HCN1: variants seen among roughly 807,000 people sequenced by gnomAD.
HCN1 encodes the protein potassium/sodium hyperpolarization-activated cyclic nucleotide-gated channel 1.
Under a neutral mutation model 78.9 loss-of-function variants are expected in HCN1, and 13 were observed. That is an observed-to-expected ratio of 0.16 (90% CI 0.11 to 0.26). HCN1 has a LOEUF of 0.26. Among genes scored for constraint, HCN1 ranks in the 10% least tolerant of loss-of-function variants. HCN1 has a pLI of 1.00. For missense variants in HCN1, 810 were observed against 1,154.3 expected (o/e 0.70, Z 4.32); for synonymous variants, 552 against 455.5 (o/e 1.21, Z -2.70).
intron 2 of HCN1, among the ~76,000 whole-genome samples, chr5:45,539,039 G>T (rs1463616127): frequency 2.0e-5 from 3 of 152,108 alleles, no homozygotes; most frequent in Admixed American, 6.6e-5. Flanking sequence ...AAAATCAACT[G>T]CTTAAGATTT....
chr5:45,523,562 T>C (rs1742662760), intron 2 of HCN1, among the ~76,000 whole-genome samples: 1 of 152,222 alleles, frequency 6.6e-6, no homozygotes, highest in African/African-American at 2.4e-5. Flanking sequence ...CTAACTGGTG[T>C]GAGATGGTAT....
chr5:45,346,457 G>T (rs975864474), intron 5 of HCN1, among the ~76,000 whole-genome samples: 2 of 152,148 alleles, frequency 1.3e-5, no homozygotes, highest in African/African-American at 4.8e-5. Context: ...GGTGATTTCT[G>T]CATTTCCATC....
At chr5:45,375,751 AT>A (rs888795720) in intron 4 of HCN1, among the ~76,000 whole-genome samples, 1 of 113,370 alleles carries the variant, frequency 8.8e-6, no homozygotes, top group Non-Finnish European at 1.6e-5. Flanking sequence ...CTTATATATA[AT>A]ATCATATTTT....
chr5:45,306,548 A>G lies in HCN1; in HGVS notation c.1378-2709T>C, dbSNP rs559064605. Among the ~76,000 whole-genome samples, 320 of 152,252 alleles carry G rather than the reference A, an allele frequency of 2.1e-3. 2 individuals carry two copies. Among genetic ancestry groups the G allele is most frequent in the Middle Eastern group, 6.8e-3 (2 of 294 alleles). On this transcript the variant is annotated intron_variant, in intron 5 of 7. Coordinates refer to ENST00000303230, the MANE Select transcript of HCN1 (RefSeq NM_021072.4). ...AAATTCTAACAGATATGATAGAAAAAATGGTAATGAGACAGAATCTTCTTG... is the reference window on the plus strand; with the variant it reads ...AAATTCTAACAGATATGATAGAAAAGATGGTAATGAGACAGAATCTTCTTG...
At chr5:45,284,913 T>G (rs1745237108) in intron 6 of HCN1, among the ~76,000 whole-genome samples, 1 of 152,084 alleles carries the variant, frequency 6.6e-6, no homozygotes, top group South Asian at 2.1e-4. Flanking sequence ...ATGGGTCTAT[T>G]TAAAGTGGAA....
intron 2 of HCN1, among the ~76,000 whole-genome samples, chr5:45,474,705 T>G (rs1320784442): frequency 6.6e-6 from 1 of 151,938 alleles, no homozygotes; most frequent in Non-Finnish European, 1.5e-5. Context: ...ATTTATTTTC[T>G]TTTGGTAATT....
intron 4 of HCN1, among the ~76,000 whole-genome samples, chr5:45,383,305 T>A (rs981262451): frequency 2.0e-5 from 3 of 152,204 alleles, no homozygotes; most frequent in Admixed American, 2.0e-4. Context: ...ACCTCCTCTT[T>A]TAAATTAGTG....
rs190139131 is a variant in HCN1, at chr5:45,649,375, C to A, written c.426-3767G>T. 5.9e-5 allele frequency among the ~76,000 whole-genome samples: 9 copies of A among 151,924 alleles called. No homozygotes were observed. The East Asian group carries it at 1.7e-3, about 29-fold the overall frequency. On this transcript the variant is annotated intron_variant, in intron 1 of 7. Coordinates refer to ENST00000303230, the MANE Select transcript of HCN1 (RefSeq NM_021072.4). ...CCCTCCCCATTATCAACATCCCCCA[C>A]CATAAAAAAAAAATTGTTACAAATG...
intron 2 of HCN1, among the ~76,000 whole-genome samples, chr5:45,477,359 C>T (rs1330895423): frequency 6.6e-6 from 1 of 151,964 alleles, no homozygotes; most frequent in African/African-American, 2.4e-5. Flanking sequence ...AGTTTTTCTA[C>T]AGAAGAAATA....
chr5:45,498,386 G>C (rs1340329483), intron 2 of HCN1, among the ~76,000 whole-genome samples: 1 of 152,248 alleles, frequency 6.6e-6, no homozygotes, highest in South Asian at 2.1e-4. Context: ...ATTGGCTCCT[G>C]AGGCTTCTGC....
chr5:45,517,593 T>C (rs1742538397), intron 2 of HCN1, among the ~76,000 whole-genome samples: 1 of 151,046 alleles, frequency 6.6e-6, no homozygotes, highest in African/African-American at 2.4e-5. Flanking sequence ...AAGCTGTATT[T>C]CCCACCCATC....
chr5:45,349,315 T>C (rs548220022), intron 5 of HCN1, among the ~76,000 whole-genome samples: 1 of 152,274 alleles, frequency 6.6e-6, no homozygotes, highest in Non-Finnish European at 1.5e-5. Context: ...AAGATGTTCT[T>C]TGAAACCAAT....
At chr5:45,373,806 T>C in intron 4 of HCN1, among the ~76,000 whole-genome samples, 1 of 124,818 alleles carries the variant, frequency 8.0e-6, no homozygotes, top group Admixed American at 9.2e-5. Context: ...TCATCTATAA[T>C]ATATTACATA....
At chr5:45,674,300 A>C (rs1399903851) in intron 1 of HCN1, among the ~76,000 whole-genome samples, 1 of 151,560 alleles carries the variant, frequency 6.6e-6, no homozygotes, top group African/African-American at 2.4e-5. Flanking sequence ...TTAGAAGTCT[A>C]TATTTTAAGT....
intron 2 of HCN1, among the ~76,000 whole-genome samples, chr5:45,548,782 G>A (rs899483049): frequency 6.6e-6 from 1 of 152,016 alleles, no homozygotes; most frequent in African/African-American, 2.4e-5. Flanking sequence ...TAAGCTGATA[G>A]GTAACTTCAG....
At chr5:45,481,549 A>G (rs1741651077) in intron 2 of HCN1, among the ~76,000 whole-genome samples, 1 of 152,200 alleles carries the variant, frequency 6.6e-6, no homozygotes, top group African/African-American at 2.4e-5. Flanking sequence ...TGGTTAGACT[A>G]GTGACTGGAG....
At chr5:45,492,232 C>A (rs938431060) in intron 2 of HCN1, among the ~76,000 whole-genome samples, 3 of 151,364 alleles carry the variant, frequency 2.0e-5, no homozygotes, top group Non-Finnish European at 4.4e-5. Flanking sequence ...TAGAGATGCA[C>A]TAGAGGCAGG....
chr5:45,438,589 C>T (rs74700177), intron 3 of HCN1, among the ~76,000 whole-genome samples: 2 of 95,744 alleles, frequency 2.1e-5, no homozygotes, highest in Admixed American at 1.1e-4. Flanking sequence ...GACTCCGTCT[C>T]AAAAAAAAAA....
intron 5 of HCN1, among the ~76,000 whole-genome samples, chr5:45,308,923 G>A (rs1333870648): frequency 1.3e-5 from 2 of 152,084 alleles, no homozygotes; most frequent in Non-Finnish European, 2.9e-5. Flanking sequence ...GTAGTTTAAT[G>A]GGAATAGCAT....
Sources: allele counts gnomAD v4.1 joint callset (sites outside exome capture counted in the v4.1 genomes callset), GRCh38; gene constraint gnomAD v4.1.1; transcripts MANE v1.5; gene names NCBI Gene and HGNC (gene_info 2026-07-23, HGNC 2026-07-21).